ZFYVE28: variants seen among roughly 807,000 people sequenced by gnomAD.
The protein encoded by ZFYVE28 is zinc finger FYVE-type containing 28, also known as lateral signaling target protein 2 homolog.
ZFYVE28 carries 40 observed loss-of-function variants against 82.1 expected under a neutral mutation model. That is an observed-to-expected ratio of 0.49 (90% CI 0.38 to 0.63). ZFYVE28 has a LOEUF of 0.63. Among genes scored for constraint, ZFYVE28 ranks in the 30% least tolerant of loss-of-function variants. The pLI is 0.00. For synonymous variants in ZFYVE28, 612 were observed against 546.1 expected, an observed-to-expected ratio of 1.12 and a Z score of -1.68; for missense variants, 1,321 against 1,242.1, an observed-to-expected ratio of 1.06 and a Z score of -0.96.
At chr4:2,271,880 G>C in intron 10 of ZFYVE28, 101 bp from the exon 11 acceptor site, 11 of 1,097,176 alleles carry the variant, frequency 1.0e-5, no homozygotes, top group Non-Finnish European at 1.5e-5. Context: ...TCCAGCAGTC[G>C]GTCAGCTCCC....
intron 8 of ZFYVE28, among the ~76,000 whole-genome samples, chr4:2,288,374 G>A (rs559659303): frequency 6.6e-6 from 1 of 152,362 alleles, no homozygotes; most frequent in Non-Finnish European, 1.5e-5. Context: ...TGCAGTGAGG[G>A]GGTGGGCCAG....
intron 2 of ZFYVE28, among the ~76,000 whole-genome samples, chr4:2,346,547 A>G (rs1024289126): frequency 7.9e-5 from 12 of 152,164 alleles, no homozygotes; most frequent in Non-Finnish European, 1.3e-4. Context: ...AAATACCCTA[A>G]CAACATAGTG....
At chr4:2,358,439 G>A (rs1725655442) in intron 1 of ZFYVE28, among the ~76,000 whole-genome samples, 1 of 152,172 alleles carries the variant, frequency 6.6e-6, no homozygotes. Flanking sequence ...ACCCTTCAGG[G>A]ACGGGCCTGA....
intron 1 of ZFYVE28, chr4:2,364,383 C>A (rs781340612): frequency 7.5e-5 from 71 of 949,214 alleles, no homozygotes; most frequent in Non-Finnish European, 8.9e-5. Flanking sequence ...GAACGCCCTG[C>A]CCGCCCCAAG....
intron 2 of ZFYVE28, among the ~76,000 whole-genome samples, chr4:2,350,200 C>CATGAG (rs1724166889): frequency 6.6e-6 from 1 of 152,190 alleles, no homozygotes; most frequent in Non-Finnish European, 1.5e-5. Flanking sequence ...CGCAGTGGCT[C>CATGAG]ACGCCTGTAA....
rs1715297812 is a variant in ZFYVE28, at chr4:2,300,172, T to C, written c.2051+4117A>G. ...ATAATTAGCAAACAGGGAGTCAGTG[T>C]TACTTTTTGCAGAAGGCAAAGGCTG... On this transcript the variant is annotated intron_variant, in intron 8 of 12. Transcript: ENST00000290974. The surrounding 1 kb of genome is among the most constrained non-coding windows in gnomAD (Gnocchi z 4.6). Among the ~76,000 whole-genome samples, 1 of 152,286 alleles carries C rather than the reference T, an allele frequency of 6.6e-6. No homozygotes were observed. The highest frequency in any genetic ancestry group is 1.9e-4 in the East Asian group (1 of 5,182).
Position 2,402,055 on chromosome 4 carries a change from G to A in ZFYVE28, c.39+16230C>T, listed in dbSNP as rs867678611. Among the ~76,000 whole-genome samples, 7 of 152,322 alleles carry A rather than the reference G, an allele frequency of 4.6e-5. No homozygotes were observed. In the South Asian group the frequency reaches 6.2e-4, roughly 14 times the overall value. ...CAAGAGACACAGAGGAAGAAATCCC[G>A]GTCCTGCCGGCTGTGGAGGGACAGT... is the stretch of plus-strand genomic sequence containing the variant. On this transcript the variant is annotated intron_variant, in intron 1 of 12. Transcript: ENST00000290974.
intron 1 of ZFYVE28, among the ~76,000 whole-genome samples, chr4:2,402,063 C>A (rs1285117597): frequency 6.6e-6 from 1 of 152,192 alleles, no homozygotes; most frequent in Non-Finnish European, 1.5e-5. Context: ...CCGGTCCTGC[C>A]GGCTGTGGAG....
chr4:2,276,933 G>T (rs182278506), intron 8 of ZFYVE28, among the ~76,000 whole-genome samples: 1 of 151,982 alleles, frequency 6.6e-6, no homozygotes, highest in Non-Finnish European at 1.5e-5. Context: ...GAAATTGTAC[G>T]CTTAGGAAGG....
At chr4:2,327,991 A>G (rs1490192362) in intron 6 of ZFYVE28, among the ~76,000 whole-genome samples, 2 of 152,246 alleles carry the variant, frequency 1.3e-5, no homozygotes, top group Non-Finnish European at 2.9e-5. Context: ...TATGGAAAAC[A>G]GTATAGAGGT....
At chr4:2,308,671 AAGAAAGAG>A (rs1480283937) in intron 7 of ZFYVE28, among the ~76,000 whole-genome samples, 1 of 111,226 alleles carries the variant, frequency 9.0e-6, no homozygotes, top group African/African-American at 3.8e-5. Context: ...GAAAGAAAGA[AAGAAAGAG>A]AAAGAAAGAA....
rs1735935586 is a variant in ZFYVE28 at position 2,271,797 on chromosome 4, C to G, written c.2324-18G>C. 1 of 1,610,440 alleles carries G rather than the reference C, an allele frequency of 6.2e-7. No individual in the cohort carries two copies. Among genetic ancestry groups the G allele is most frequent in the South Asian group, 1.1e-5 (1 of 91,012 alleles). Reference sequence around the variant, plus strand: ...CTGGGTGACTAGTGGAGAAGGGGGGCCGTCGGGGTATGGTGAGGGAGGCGG... The same window carrying G: ...CTGGGTGACTAGTGGAGAAGGGGGGGCGTCGGGGTATGGTGAGGGAGGCGG... On this transcript the variant is annotated intron_variant, in intron 10 of 12. Coordinates refer to ENST00000290974, the MANE Select transcript of ZFYVE28 (RefSeq NM_020972.3).
chr4:2,280,276 G>A (rs1711782842), intron 8 of ZFYVE28, among the ~76,000 whole-genome samples: 1 of 152,202 alleles, frequency 6.6e-6, no homozygotes, highest in East Asian at 1.9e-4. Context: ...GGGAGGCTGA[G>A]GCGGGAGGAT....
At chr4:2,306,136 C>T (rs146992010) in intron 7 of ZFYVE28, among the ~76,000 whole-genome samples, 21 of 152,232 alleles carry the variant, frequency 1.4e-4, no homozygotes, top group African/African-American at 3.6e-4. Flanking sequence ...TGGCTGAGGC[C>T]GGGAAGGCTT....
Position 2,286,453 on chromosome 4 carries a change from C to G in ZFYVE28, c.2052-12237G>C, listed in dbSNP as rs556368669. ...ACAACTGCATCTCATAGTCTCTTCT[C>G]AATCAACAAGAAGCGATGAAATAAA... On this transcript the variant is annotated intron_variant, in intron 8 of 12. Coordinates refer to ENST00000290974, the MANE Select transcript of ZFYVE28 (RefSeq NM_020972.3). The G allele has an allele frequency of 4.6e-5, 7 of 152,452 alleles. No individual in the cohort carries two copies. In the East Asian group the frequency reaches 9.6e-4, roughly 21 times the overall value. 9.4% of individuals were successfully genotyped at this position (152,452 alleles called of 1,614,324 possible).
chr4:2,327,277 T>TATATATATATATATATATA (rs1720004065), intron 6 of ZFYVE28, among the ~76,000 whole-genome samples: 1 of 31,892 alleles, frequency 3.1e-5, no homozygotes, highest in Admixed American at 2.8e-4. Context: ...TATATATATA[T>TATATATATATATATATATA]ATATATATAT....
At chr4:2,398,455 G>A (rs889151683) in intron 1 of ZFYVE28, among the ~76,000 whole-genome samples, 1 of 152,218 alleles carries the variant, frequency 6.6e-6, no homozygotes, top group Admixed American at 6.5e-5. Context: ...AGACAGGAGA[G>A]GTCATGGCAG....
chr4:2,394,861 G>A lies in ZFYVE28; in HGVS notation c.39+23424C>T, dbSNP rs908964592. On this transcript the variant is annotated intron_variant, in intron 1 of 12. Transcript: ENST00000290974. This position sits in a 1 kb window ranked among gnomAD's most constrained non-coding sequence, Gnocchi z 4.0. ...CAGCACAGTGGGTGGCACAGGGCAGGTGCCTCGCAAATTCAAGGGACTATC... is the reference window on the plus strand; with the variant it reads ...CAGCACAGTGGGTGGCACAGGGCAGATGCCTCGCAAATTCAAGGGACTATC... Among the ~76,000 whole-genome samples the A allele has an allele frequency of 6.6e-6, 1 of 152,252 alleles. No individual in the cohort carries two copies. The highest frequency in any genetic ancestry group is 1.5e-5 in the Non-Finnish European group (1 of 68,044).
chr4:2,403,140 T>G (rs555293856), intron 1 of ZFYVE28, among the ~76,000 whole-genome samples: 1 of 152,386 alleles, frequency 6.6e-6, no homozygotes, highest in African/African-American at 2.4e-5. Flanking sequence ...CAAGCCTGTG[T>G]GGCCCCAGCT....
Sources: gnomAD v4.1 joint callset for allele counts (sites outside exome capture counted in the v4.1 genomes callset) on GRCh38, gnomAD v4.1.1 for gene constraint, Gnocchi (gnomAD v3.1) non-coding constraint, MANE v1.5 for transcripts, NCBI Gene and HGNC (gene_info 2026-07-23, HGNC 2026-07-21) for gene names.